The following LHFPL2 variants were observed in gnomAD, a reference collection of about 807,000 sequenced individuals.
LHFPL2 encodes LHFPL tetraspan subfamily member 2 protein.
LHFPL2 carries 7 observed loss-of-function variants against 17.5 expected under a neutral mutation model. That is an observed-to-expected ratio of 0.40 (90% confidence interval 0.23 to 0.75). LHFPL2 has a LOEUF of 0.75. Ranked by LOEUF, LHFPL2 falls within the 30% of genes least tolerant of loss-of-function variation. LHFPL2 has a pLI of 0.37. For missense variants in LHFPL2, 241 were observed against 294.8 expected (o/e 0.82, Z 1.34); for synonymous variants, 134 against 116.2 (o/e 1.15, Z -0.99).
chr5:78,586,472 C>T (rs967068733), intron 2 of LHFPL2, among the ~76,000 whole-genome samples: 4 of 152,294 alleles, frequency 2.6e-5, no homozygotes, highest in East Asian at 1.9e-4. Flanking sequence ...GAAGCCCAGG[C>T]GCACTGAGTC....
chr5:78,602,148 T>C (rs1265401286), intron 2 of LHFPL2, among the ~76,000 whole-genome samples: 1 of 151,520 alleles, frequency 6.6e-6, no homozygotes, highest in African/African-American at 2.4e-5. Flanking sequence ...GGAGAGAGAA[T>C]GACAAATCAT....
chr5:78,497,729 T>A (rs2112299220), intron 4 of LHFPL2, among the ~76,000 whole-genome samples: 1 of 152,382 alleles, frequency 6.6e-6, no homozygotes, highest in Non-Finnish European at 1.5e-5. Context: ...GAACGCCAGC[T>A]ACACAGTTAC....
At chr5:78,581,173 C>T (rs969223664) in intron 2 of LHFPL2, among the ~76,000 whole-genome samples, 1 of 152,110 alleles carries the variant, frequency 6.6e-6, no homozygotes. Context: ...TATAAGAATG[C>T]TTGTGATTTT....
intron 2 of LHFPL2, among the ~76,000 whole-genome samples, chr5:78,568,440 G>A (rs753044985): frequency 1.3e-5 from 2 of 152,176 alleles, no homozygotes; most frequent in South Asian, 2.1e-4. Flanking sequence ...CGGCCCCCAC[G>A]TGATGGGCAC....
chr5:78,647,505 C>T (rs1271555214), intron 1 of LHFPL2, among the ~76,000 whole-genome samples: 1 of 152,194 alleles, frequency 6.6e-6, no homozygotes, highest in East Asian at 1.9e-4. Flanking sequence ...CCAGCACACA[C>T]TTTCCATAGC....
intron 2 of LHFPL2, chr5:78,625,287 A>AAAGGCGGGGACTGGGCT (rs1744994306): frequency 6.6e-6 from 1 of 152,234 alleles, no homozygotes; most frequent in Non-Finnish European, 1.5e-5. Flanking sequence ...ATCCCTCTGA[A>AAAGGCGGGGACTGGGCT]AAGGCGGGGA....
At chr5:78,585,000 T>TAAGCCCG in intron 2 of LHFPL2, among the ~76,000 whole-genome samples, 2 of 48,318 alleles carry the variant, frequency 4.1e-5, no homozygotes, top group African/African-American at 1.3e-4. Flanking sequence ...GCTGTGTTTT[T>TAAGCCCG]TTTTTTTTTT....
chr5:78,582,761 T>C (rs1743195074), intron 2 of LHFPL2, among the ~76,000 whole-genome samples: 1 of 152,214 alleles, frequency 6.6e-6, no homozygotes, highest in Non-Finnish European at 1.5e-5. Flanking sequence ...ATGTATATTC[T>C]GTTGATTTGG....
At chr5:78,516,162 C>T (rs560665657) in intron 3 of LHFPL2, among the ~76,000 whole-genome samples, 12 of 152,236 alleles carry the variant, frequency 7.9e-5, no homozygotes, top group Non-Finnish European at 1.5e-4. Flanking sequence ...CTGGCCACCC[C>T]GTAAAACACA....
At chr5:78,501,859 G>C (rs1220180763) in intron 4 of LHFPL2, among the ~76,000 whole-genome samples, 1 of 152,148 alleles carries the variant, frequency 6.6e-6, no homozygotes, top group East Asian at 1.9e-4. Flanking sequence ...GAGTTTTTGT[G>C]AATGACTACA....
intron 4 of LHFPL2, among the ~76,000 whole-genome samples, chr5:78,492,999 T>C (rs1754497083): frequency 2.0e-5 from 3 of 152,248 alleles, no homozygotes; most frequent in Admixed American, 2.0e-4. Context: ...GGCCATGGAA[T>C]AGGGTTTGAA....
In LHFPL2 at chr5:78,558,730, A is replaced by T. The variant is rs75935974; in HGVS notation, c.-186+6083T>A. 5.9e-5 allele frequency among the ~76,000 whole-genome samples: 9 copies of T among 152,360 alleles called. No homozygotes were observed. In the East Asian group the frequency reaches 1.7e-3, roughly 29 times the overall value. Reference sequence around the variant, plus strand: ...TTCTTTGTGCAATAATCCATCAGACAGAAGGCCAGAATCTACCGGAACATG... The same window carrying T: ...TTCTTTGTGCAATAATCCATCAGACTGAAGGCCAGAATCTACCGGAACATG... On this transcript the variant is annotated intron_variant, in intron 3 of 4. Coordinates refer to ENST00000380345, the MANE Select transcript of LHFPL2 (RefSeq NM_005779.3).
At chr5:78,631,935 CAAAAAA>C (rs35424661) in intron 2 of LHFPL2, among the ~76,000 whole-genome samples, 5 of 104,582 alleles carry the variant, frequency 4.8e-5, no homozygotes, top group Non-Finnish European at 7.9e-5. Context: ...GACTCCATCT[CAAAAAA>C]AAAAAAAAAG....
chr5:78,562,455 C>T (rs1212306115), intron 3 of LHFPL2, among the ~76,000 whole-genome samples: 2 of 151,978 alleles, frequency 1.3e-5, no homozygotes, highest in Non-Finnish European at 2.9e-5. Context: ...ACCAACATGG[C>T]GAAACCCAGT....
At chr5:78,535,259 G>C (rs928576226) in intron 3 of LHFPL2, among the ~76,000 whole-genome samples, 4 of 152,060 alleles carry the variant, frequency 2.6e-5, no homozygotes, top group African/African-American at 9.7e-5. Context: ...GAGCGCCCAC[G>C]TAGGCAGGGT....
rs182944252 is a variant in LHFPL2 at position 78,602,055 on chromosome 5, T to C, written c.-245+30209A>G. Among the ~76,000 whole-genome samples, 465 of 152,234 alleles carry C rather than the reference T, an allele frequency of 3.1e-3. 3 individuals carry two copies. The highest frequency in any genetic ancestry group is 6.8e-3 in the Admixed American group (104 of 15,294). On this transcript the variant is annotated intron_variant, in intron 2 of 4. Coordinates refer to ENST00000380345, the MANE Select transcript of LHFPL2 (RefSeq NM_005779.3). ...TTCCCCCTACTCCTCTCAAAAAAAC[T>C]CATGAAATATGGTACTACTTTGAAA...
At chr5:78,576,507 G>C (rs888109261) in intron 2 of LHFPL2, among the ~76,000 whole-genome samples, 1 of 152,078 alleles carries the variant, frequency 6.6e-6, no homozygotes, top group Non-Finnish European at 1.5e-5. Flanking sequence ...CATGAACCAT[G>C]AGCTGTGTCT....
At chr5:78,553,168 T>C (rs1386076336) in intron 3 of LHFPL2, among the ~76,000 whole-genome samples, 1 of 152,228 alleles carries the variant, frequency 6.6e-6, no homozygotes. Flanking sequence ...CCACCTCATA[T>C]ATCTGTCACC....
chr5:78,521,605 A>G (rs1389858813), intron 3 of LHFPL2, among the ~76,000 whole-genome samples: 1 of 152,258 alleles, frequency 6.6e-6, no homozygotes, highest in Non-Finnish European at 1.5e-5. Flanking sequence ...GCTGATTAGC[A>G]TGATAATCAC....
Sources: gnomAD v4.1 joint callset for allele counts (sites outside exome capture counted in the v4.1 genomes callset) on GRCh38, gnomAD v4.1.1 for gene constraint, MANE v1.5 for transcripts, NCBI Gene and HGNC (gene_info 2026-07-23, HGNC 2026-07-21) for gene names.